Variants in PAK1 observed in about 807,000 individuals in gnomAD.
The protein encoded by PAK1 is p21 (RAC1) activated kinase 1.
Under a neutral mutation model 67.4 loss-of-function variants are expected in PAK1, and 29 were observed. That is an observed-to-expected ratio of 0.43 (90% CI 0.32 to 0.59). The LOEUF (loss-of-function observed/expected upper bound fraction) is 0.59. PAK1 is among the 20% of genes least tolerant of loss of function. The probability of loss-of-function intolerance (pLI) is 0.07; values close to 1 mark genes in which losing one functional copy is unlikely to be tolerated. For synonymous variants in PAK1, 223 were observed against 237.4 expected (o/e 0.94, Z 0.56); for missense variants, 337 against 670.7 (o/e 0.50, Z 5.50).
At chr11:77,501,782 T>C in the PAK1 span, among the ~76,000 whole-genome samples, 3 of 152,208 alleles carry the variant, frequency 2.0e-5, no homozygotes, top group Non-Finnish European at 4.4e-5. Context: ...AGCTCAAATA[T>C]GGATGGGAAA....
the PAK1 span, among the ~76,000 whole-genome samples, chr11:77,479,778 T>C: frequency 6.6e-6 from 1 of 151,668 alleles, no homozygotes; most frequent in Non-Finnish European, 1.5e-5. Flanking sequence ...CGGCTAATTT[T>C]TGTATTTTTA....
chr11:77,515,302 G>T, the PAK1 span, among the ~76,000 whole-genome samples: 1 of 152,174 alleles, frequency 6.6e-6, no homozygotes, highest in Non-Finnish European at 1.5e-5. Context: ...TTGTGTCATG[G>T]CGGTGTTATG....
intron 1 of PAK1, among the ~76,000 whole-genome samples, chr11:77,418,765 T>C (rs1955104430): frequency 6.6e-6 from 1 of 152,238 alleles, no homozygotes; most frequent in African/African-American, 2.4e-5. Flanking sequence ...ATCTGTCATG[T>C]GCTCTTGCCT....
intron 2 of PAK1, among the ~76,000 whole-genome samples, chr11:77,387,141 T>C (rs1950554966): frequency 6.7e-6 from 1 of 148,724 alleles, no homozygotes; most frequent in Non-Finnish European, 1.5e-5. Context: ...AGCATGATCT[T>C]GGCTCACTGC....
chr11:77,388,535 A>AGT (rs903332126), intron 2 of PAK1, among the ~76,000 whole-genome samples: 1 of 152,104 alleles, frequency 6.6e-6, no homozygotes, highest in Non-Finnish European at 1.5e-5. Context: ...TTGTATTTCT[A>AGT]GTAGAGACGG....
intron 2 of PAK1, among the ~76,000 whole-genome samples, chr11:77,381,668 T>C (rs1164970417): frequency 1.3e-5 from 2 of 152,252 alleles, no homozygotes; most frequent in Non-Finnish European, 2.9e-5. Flanking sequence ...AGATAGATAT[T>C]ACTACCGTCA....
chr11:77,455,580 G>A (rs1036567841), intron 1 of PAK1, among the ~76,000 whole-genome samples: 3 of 15,290 alleles, frequency 2.0e-4, no homozygotes, highest in Non-Finnish European at 4.1e-4. Flanking sequence ...AAGCCCAGCC[G>A]GGTCCATTTC....
intron 10 of PAK1, among the ~76,000 whole-genome samples, chr11:77,342,133 C>T (rs1285625195): frequency 6.6e-6 from 1 of 152,154 alleles, no homozygotes; most frequent in African/African-American, 2.4e-5. Context: ...ATGGAGTTCC[C>T]CTCTGGGACA....
the PAK1 span, among the ~76,000 whole-genome samples, chr11:77,513,068 C>G: frequency 6.6e-6 from 1 of 152,046 alleles, no homozygotes; most frequent in Non-Finnish European, 1.5e-5. Flanking sequence ...CCAGCCTGGG[C>G]GATGGACTGA....
chr11:77,454,082 T>C (rs1249696358), intron 1 of PAK1, among the ~76,000 whole-genome samples: 1 of 152,100 alleles, frequency 6.6e-6, no homozygotes, highest in African/African-American at 2.4e-5. Context: ...AATAAACAAA[T>C]AAATAAAATT....
chr11:77,326,453 C>T (rs1939891282), intron 14 of PAK1, among the ~76,000 whole-genome samples: 1 of 152,186 alleles, frequency 6.6e-6, no homozygotes, highest in South Asian at 2.1e-4. Flanking sequence ...AATTCCAGCA[C>T]TTTGGGAGAC....
At chr11:77,395,022 T>A (rs754731607) in intron 1 of PAK1, among the ~76,000 whole-genome samples, 7 of 152,186 alleles carry the variant, frequency 4.6e-5, no homozygotes, top group Non-Finnish European at 1.0e-4. Flanking sequence ...TTCTCCAACT[T>A]CTTCAAATAT....
the PAK1 span, among the ~76,000 whole-genome samples, chr11:77,518,639 G>A: frequency 6.6e-6 from 1 of 152,084 alleles, no homozygotes; most frequent in Non-Finnish European, 1.5e-5. Context: ...ACACCCACCA[G>A]CAGCCCTTCC....
chr11:77,435,863 C>G (rs1332887602), intron 1 of PAK1, among the ~76,000 whole-genome samples: 3 of 151,968 alleles, frequency 2.0e-5, no homozygotes, highest in Non-Finnish European at 4.4e-5. Flanking sequence ...AACAAAATAA[C>G]TGAAAATGGA....
At chr11:77,484,700 G>A in the PAK1 span, among the ~76,000 whole-genome samples, 7 of 152,170 alleles carry the variant, frequency 4.6e-5, no homozygotes, top group African/African-American at 1.7e-4. Context: ...GGTGTCAAGA[G>A]GAGTTGTCTA....
chr11:77,342,695 T>G (rs905618852), intron 10 of PAK1, among the ~76,000 whole-genome samples: 1 of 152,292 alleles, frequency 6.6e-6, no homozygotes, highest in African/African-American at 2.4e-5. Flanking sequence ...TTCAACTCTT[T>G]TCTTCTTTAA....
At chr11:77,522,890 A>G in the PAK1 span, among the ~76,000 whole-genome samples, 2 of 152,258 alleles carry the variant, frequency 1.3e-5, no homozygotes, top group Non-Finnish European at 2.9e-5. Flanking sequence ...TGACACAGCC[A>G]TAAAAAATTA....
chr11:77,363,047 G>A (rs1591948229), intron 5 of PAK1, among the ~76,000 whole-genome samples: 1 of 152,048 alleles, frequency 6.6e-6, no homozygotes, highest in East Asian at 1.9e-4. Context: ...TTTTTAACAG[G>A]CCAGTTAAAA....
intron 10 of PAK1, among the ~76,000 whole-genome samples, chr11:77,342,818 G>C (rs997761527): frequency 6.6e-6 from 1 of 151,716 alleles, no homozygotes; most frequent in African/African-American, 2.4e-5. Context: ...AAAGAAATTA[G>C]AGTCCAAGAT....
Sources: gnomAD v4.1 joint callset for allele counts (sites outside exome capture counted in the v4.1 genomes callset) on GRCh38, gnomAD v4.1.1 for gene constraint, MANE v1.5 for transcripts, NCBI Gene and HGNC (gene_info 2026-07-23, HGNC 2026-07-21) for gene names.